The following SLC15A2 variants were observed in gnomAD, a reference collection of about 807,000 sequenced individuals.
The protein encoded by SLC15A2 is solute carrier family 15 member 2.
A neutral mutation model predicts 95.5 loss-of-function variants in SLC15A2; 77 were observed. The ratio of observed to expected loss-of-function variants is 0.81; its 90% CI spans 0.67 to 0.97. The LOEUF (loss-of-function observed/expected upper bound fraction) is 0.97. Ranked by LOEUF, SLC15A2 falls within the 50% of genes least tolerant of loss-of-function variation. The pLI, the probability that SLC15A2 is intolerant of heterozygous loss-of-function variation, is 0.00. For synonymous variants in SLC15A2, 306 were observed against 306.9 expected (o/e 1.00, Z 0.03); for missense variants, 893 against 874.4 (o/e 1.02, Z -0.27).
At chr3:121,911,977 A>C (rs1709776958) in intron 4 of SLC15A2, among the ~76,000 whole-genome samples, 1 of 152,018 alleles carries the variant, frequency 6.6e-6, no homozygotes, top group African/African-American at 2.4e-5. Context: ...GTTAAAAAAA[A>C]CTCTATAATG....
intron 3 of SLC15A2, among the ~76,000 whole-genome samples, chr3:121,901,570 G>T (rs990790814): frequency 1.3e-5 from 2 of 152,128 alleles, no homozygotes; most frequent in Non-Finnish European, 2.9e-5. Flanking sequence ...TGGGTAACTT[G>T]TTCTCCTGTA....
chr3:121,906,070 T>G (rs1429613283), intron 3 of SLC15A2, among the ~76,000 whole-genome samples: 1 of 152,222 alleles, frequency 6.6e-6, no homozygotes, highest in Non-Finnish European at 1.5e-5. Context: ...AGCTAGGTCT[T>G]CTTGTTGAAT....
rs796265430 is a variant in SLC15A2 at position 121,914,910 on chromosome 3, A to G, written c.529-317A>G. 5 of 787,210 alleles carry G rather than the reference A, an allele frequency of 6.4e-6. No individual in the cohort carries two copies. The African/African-American group carries it at 9.4e-5, about 15-fold the overall frequency. 48.8% of individuals were successfully genotyped at this position (787,210 alleles called of 1,614,324 possible). On this transcript the variant is annotated intron_variant, in intron 5 of 21. Coordinates refer to ENST00000489711, the MANE Select transcript of SLC15A2 (RefSeq NM_021082.4). ...CACACATGAAATAAAAAACCCAGAC[A>G]TTTAATGCAAAGACATTAATATTAG...
chr3:121,921,101 A>G (rs1292200237), intron 7 of SLC15A2, among the ~76,000 whole-genome samples: 3 of 152,248 alleles, frequency 2.0e-5, no homozygotes, highest in Middle Eastern at 6.3e-3. Context: ...AGCTGTGGAT[A>G]TGTGGTTAAA....
Position 121,894,460 on chromosome 3 carries a change from A to G in SLC15A2, c.-17A>G, listed in dbSNP as rs1559836276. 6.2e-7 allele frequency: 1 copy of G among 1,602,492 alleles called. No homozygotes were observed. The highest frequency in any genetic ancestry group is 8.5e-7 in the Non-Finnish European group (1 of 1,171,364). ...AAGCCAAATGCTTGAGGAGAGAGAG[A>G]GAGTAAGGAGCCAGCCATGAATCCT... On this transcript the variant is annotated 5_prime_UTR_variant, in exon 1 of 22. Transcript: ENST00000489711.
intron 19 of SLC15A2, among the ~76,000 whole-genome samples, chr3:121,932,920 C>G (rs1225511604): frequency 6.6e-6 from 1 of 152,100 alleles, no homozygotes; most frequent in Non-Finnish European, 1.5e-5. Context: ...CCTCCGCGCA[C>G]CCCACAACAG....
At chr3:121,925,079 T>A in intron 13 of SLC15A2, 46 bp downstream of exon 13, 1 of 1,313,236 alleles carries the variant, frequency 7.6e-7, no homozygotes, top group East Asian at 2.3e-5. Context: ...ATTGACTCAG[T>A]CTTTGCCCAG....
chr3:121,928,237 A>G (rs938956262), intron 14 of SLC15A2, 184 bp from the exon 15 acceptor site: 9 of 651,114 alleles, frequency 1.4e-5, no homozygotes, highest in Non-Finnish European at 2.3e-5. Context: ...TACTTGCTAC[A>G]ATGAGCTGAT....
intron 19 of SLC15A2, among the ~76,000 whole-genome samples, chr3:121,932,883 G>A (rs1485071265): frequency 6.6e-6 from 1 of 152,036 alleles, no homozygotes; most frequent in African/African-American, 2.4e-5. Flanking sequence ...CTAGCATTAG[G>A]TATATCTCCC....
chr3:121,906,956 G>A (rs1244611041), intron 3 of SLC15A2, among the ~76,000 whole-genome samples: 3 of 152,154 alleles, frequency 2.0e-5, no homozygotes, highest in Admixed American at 6.5e-5. Flanking sequence ...TTCCAACTTG[G>A]TTCCATTCTC....
intron 5 of SLC15A2, among the ~76,000 whole-genome samples, chr3:121,914,750 C>G (rs562189158): frequency 2.0e-5 from 3 of 150,724 alleles, no homozygotes; most frequent in Admixed American, 2.0e-4. Context: ...CAGACACTTA[C>G]GGGAGGCAGA....
chr3:121,939,152 T>C (rs528545229), intron 19 of SLC15A2, 197 bp from the exon 20 acceptor site: 5 of 396,250 alleles, frequency 1.3e-5, no homozygotes, highest in African/African-American at 6.2e-5. Context: ...TGATATCTGA[T>C]TGAATCTAGG....
rs186190066 is a variant in SLC15A2, at chr3:121,915,429, G to C, written c.619+112G>C. 3 of 846,802 alleles carry C rather than the reference G, an allele frequency of 3.5e-6. No individual in the cohort carries two copies. The Admixed American group carries it at 6.7e-5, about 19-fold the overall frequency. 52.5% of individuals were successfully genotyped at this position (846,802 alleles called of 1,614,324 possible). Reference sequence around the variant, plus strand: ...CTTTTATAAGAGCTTGATAATCTGTGAAAATTTATTTTAGTCTTGATTTGT... The same window carrying C: ...CTTTTATAAGAGCTTGATAATCTGTCAAAATTTATTTTAGTCTTGATTTGT... On this transcript the variant is annotated intron_variant, in intron 6 of 21. Coordinates refer to ENST00000489711, the MANE Select transcript of SLC15A2 (RefSeq NM_021082.4).
At chr3:121,906,496 C>T (rs1029526281) in intron 3 of SLC15A2, among the ~76,000 whole-genome samples, 4 of 152,170 alleles carry the variant, frequency 2.6e-5, no homozygotes, top group African/African-American at 9.7e-5. Flanking sequence ...GTGGCTGGTA[C>T]CAGCTGTTCC....
chr3:121,925,123 G>C, intron 13 of SLC15A2, 90 bp downstream of exon 13: 2 of 906,594 alleles, frequency 2.2e-6, no homozygotes, highest in Non-Finnish European at 3.6e-6. Flanking sequence ...ATTTTTCTTA[G>C]TGAGGATTGG....
chr3:121,896,519 C>T (rs4432693), intron 2 of SLC15A2, 26 bp downstream of exon 2: 4 of 1,551,388 alleles, frequency 2.6e-6, no homozygotes, highest in South Asian at 2.2e-5. Context: ...AGAGTCCTAC[C>T]TACTCTCCTC....
chr3:121,929,108 G>C lies in SLC15A2; in HGVS notation c.1468G>C (p.Val490Leu). The C allele has an allele frequency of 6.2e-7, 1 of 1,613,868 alleles. No individual in the cohort carries two copies. Among genetic ancestry groups the C allele is most frequent in the Non-Finnish European group, 8.5e-7 (1 of 1,179,830 alleles). ...GCAGGAGAAGAACTGGTACAGTCTTGTCATTCGTGAAGATGGGAACAGTAT... is the reference window on the plus strand; with the variant it reads ...GCAGGAGAAGAACTGGTACAGTCTTCTCATTCGTGAAGATGGGAACAGTAT... Reference protein sequence around the residue: ...SVQEKNWYSLVIREDGNSISS... With the variant: ...SVQEKNWYSLLIREDGNSISS... Residue 490 changes from valine (V) to leucine (L), a missense_variant, in exon 16 of 22, where the codon GTC becomes CTC. Val to Leu is a conservative substitution (Grantham distance 32). Transcript: ENST00000489711.
At chr3:121,919,360 G>C (rs1483442591) in intron 7 of SLC15A2, among the ~76,000 whole-genome samples, 1 of 152,180 alleles carries the variant, frequency 6.6e-6, no homozygotes, top group Non-Finnish European at 1.5e-5. Flanking sequence ...GTGGACACCA[G>C]AGAGTGAGTA....
intron 17 of SLC15A2, among the ~76,000 whole-genome samples, chr3:121,930,487 TTCCACCATTATAAGGGAAATAAATTAGA>T (rs943638585): frequency 1.3e-5 from 2 of 152,316 alleles, no homozygotes; most frequent in African/African-American, 4.8e-5. Flanking sequence ...AGTTGATAGA[TTCCACCATTATAAGGGAAATAAATTAGA>T]TGCACCTAAG....
Sources: gnomAD v4.1 joint callset for allele counts (sites outside exome capture counted in the v4.1 genomes callset) on GRCh38, gnomAD v4.1.1 for gene constraint, MANE v1.5 for transcripts, NCBI Gene and HGNC (gene_info 2026-07-23, HGNC 2026-07-21) for gene names.